EXOC6B: variants seen among roughly 807,000 people sequenced by gnomAD.
EXOC6B encodes the protein SEC15 homolog B.
In EXOC6B, 54 loss-of-function variants were observed where a neutral mutation model predicts 113.5. The observed-to-expected ratio is 0.48, with a 90% confidence interval of 0.38 to 0.60. The LOEUF (loss-of-function observed/expected upper bound fraction) is 0.60, where lower values mean the gene tolerates loss of function less well. EXOC6B is among the 20% of genes least tolerant of loss of function. EXOC6B has a pLI of 0.00. For missense variants in EXOC6B, 797 were observed against 977.5 expected, an observed-to-expected ratio of 0.82 and a Z score of 2.46; for synonymous variants, 357 against 339.0, an observed-to-expected ratio of 1.05 and a Z score of -0.58.
At chr2:72,275,962 G>A (rs1365226569) in intron 20 of EXOC6B, among the ~76,000 whole-genome samples, 2 of 152,106 alleles carry the variant, frequency 1.3e-5, no homozygotes, top group African/African-American at 4.8e-5. Context: ...AGGTTGCCCA[G>A]ACCTAAATCC....
chr2:72,196,394 A>G (rs757821189), intron 20 of EXOC6B, among the ~76,000 whole-genome samples: 1 of 152,180 alleles, frequency 6.6e-6, no homozygotes, highest in Non-Finnish European at 1.5e-5. Context: ...TCTGTGGCCT[A>G]TGAAATATGC....
intron 6 of EXOC6B, among the ~76,000 whole-genome samples, chr2:72,577,898 G>A (rs1047632479): frequency 2.0e-5 from 3 of 152,012 alleles, no homozygotes; most frequent in African/African-American, 7.2e-5. Context: ...ACAAACAGCA[G>A]CTAGATCTTA....
At chr2:72,781,864 CG>C (rs1414714399) in intron 1 of EXOC6B, among the ~76,000 whole-genome samples, 1 of 152,018 alleles carries the variant, frequency 6.6e-6, no homozygotes, top group Non-Finnish European at 1.5e-5. Flanking sequence ...ATAGGCCAGG[CG>C]CAGTGGTTCG....
chr2:72,569,169 A>G (rs1704374579), intron 7 of EXOC6B, among the ~76,000 whole-genome samples: 1 of 152,078 alleles, frequency 6.6e-6, no homozygotes, highest in Non-Finnish European at 1.5e-5. Flanking sequence ...ATATGTCCTT[A>G]ATAGGCCAGC....
intron 18 of EXOC6B, among the ~76,000 whole-genome samples, chr2:72,395,865 T>C (rs1347060937): frequency 6.6e-6 from 1 of 152,092 alleles, no homozygotes; most frequent in East Asian, 1.9e-4. Flanking sequence ...GTACAGTGTA[T>C]GGCACATAAT....
intron 1 of EXOC6B, among the ~76,000 whole-genome samples, chr2:72,746,224 G>A (rs1206531444): frequency 2.0e-5 from 3 of 151,886 alleles, no homozygotes. Flanking sequence ...GGAATAAACT[G>A]CACCACTAGT....
Position 72,179,178 on chromosome 2 carries a change from T to C in EXOC6B, c.*157A>G, listed in dbSNP as rs574097565. The C allele has an allele frequency of 5.4e-5, 45 of 825,696 alleles. No homozygotes were observed. The highest frequency in any genetic ancestry group is 5.7e-5 in the Non-Finnish European group (32 of 557,318). The allele number at this position is 825,696 out of a possible 1,614,324, so 51.1% of individuals were successfully genotyped here. On this transcript the variant is annotated 3_prime_UTR_variant, in exon 22 of 22. Transcript: ENST00000272427. ...TTGCTTATTCTTGTGCCTCTTTTACTATAGGGAAATGTTATGTGAATACTG... is the reference window on the plus strand; with the variant it reads ...TTGCTTATTCTTGTGCCTCTTTTACCATAGGGAAATGTTATGTGAATACTG...
At chr2:72,241,145 C>A (rs1436405911) in intron 20 of EXOC6B, among the ~76,000 whole-genome samples, 2 of 152,092 alleles carry the variant, frequency 1.3e-5, no homozygotes, top group African/African-American at 4.8e-5. Context: ...TGCAAGACCA[C>A]ATGGGTAACG....
At position 72,499,924 on chromosome 2, in the gene EXOC6B, C is replaced by A. The variant is rs750371001; in HGVS notation, c.1216G>T (p.Val406Leu). 2.6e-6 allele frequency: 4 copies of A among 1,553,496 alleles called. No homozygotes were observed. The South Asian group carries it at 4.8e-5, about 18-fold the overall frequency. Residue 406 changes from valine (V) to leucine (L), a missense_variant, in exon 12 of 22, where the codon GTG (valine) becomes TTG (leucine). Val to Leu is a conservative substitution (Grantham distance 32, BLOSUM62 1). Transcript: ENST00000272427. ...NLVLDLKNLI[V>L]LFADTLQVYG... ...ACCTGAAGTGTGTCAGCAAAAAGCACAATGAGGTTCTTCAAATCTAACACA... is the reference window on the plus strand; with the variant it reads ...ACCTGAAGTGTGTCAGCAAAAAGCAAAATGAGGTTCTTCAAATCTAACACA...
At chr2:72,695,322 G>T (rs1677796191) in intron 6 of EXOC6B, among the ~76,000 whole-genome samples, 1 of 152,180 alleles carries the variant, frequency 6.6e-6, no homozygotes, top group Admixed American at 6.5e-5. Flanking sequence ...AAAAGCCAAA[G>T]AACTCAGATC....
At chr2:72,600,129 A>G (rs1670321628) in intron 6 of EXOC6B, among the ~76,000 whole-genome samples, 1 of 152,182 alleles carries the variant, frequency 6.6e-6, no homozygotes, top group South Asian at 2.1e-4. Context: ...ACAGTGTCCA[A>G]CTTTAAGACT....
chr2:72,775,868 T>C lies in EXOC6B; in HGVS notation c.114-34399A>G, dbSNP rs185224834. On this transcript the variant is annotated intron_variant, in intron 1 of 21. Coordinates refer to ENST00000272427, the MANE Select transcript of EXOC6B (RefSeq NM_015189.3). ...ATACACATACCTACATGAGATAAAA[T>C]TGTACAGGACTAAATATATACACAC... Among the ~76,000 whole-genome samples, 6 of 152,250 alleles carry C rather than the reference T, an allele frequency of 3.9e-5. No homozygotes were observed. The East Asian group carries it at 1.2e-3, about 29-fold the overall frequency.
At chr2:72,513,709 T>C (rs1374062897) in intron 10 of EXOC6B, among the ~76,000 whole-genome samples, 1 of 151,894 alleles carries the variant, frequency 6.6e-6, no homozygotes, top group East Asian at 1.9e-4. Context: ...AATATCAAAA[T>C]AATTCCCATC....
intron 20 of EXOC6B, among the ~76,000 whole-genome samples, chr2:72,224,994 G>GTGTATATATGTATATATATATATATATA (rs908047817): frequency 7.3e-6 from 1 of 137,256 alleles, no homozygotes; most frequent in African/African-American, 2.6e-5. Flanking sequence ...GTGTGTGTGT[G>GTGTATATATGTATATATATATATATATA]TATATATATA....
intron 20 of EXOC6B, among the ~76,000 whole-genome samples, chr2:72,232,353 T>C (rs1478923631): frequency 6.6e-6 from 1 of 152,220 alleles, no homozygotes; most frequent in Non-Finnish European, 1.5e-5. Context: ...GGCCCTCTCA[T>C]GTATTATACA....
chr2:72,191,418 C>T (rs1363438566), intron 20 of EXOC6B, among the ~76,000 whole-genome samples: 1 of 152,134 alleles, frequency 6.6e-6, no homozygotes, highest in African/African-American at 2.4e-5. Context: ...AAGCAACTTG[C>T]TAAAAATCAC....
At chr2:72,728,140 G>T (rs183885790) in intron 5 of EXOC6B, among the ~76,000 whole-genome samples, 1 of 152,160 alleles carries the variant, frequency 6.6e-6, no homozygotes, top group Admixed American at 6.5e-5. Flanking sequence ...AGGATAAATG[G>T]GAAATCACCA....
chr2:72,634,105 A>G lies in EXOC6B; in HGVS notation c.670-58437T>C, dbSNP rs1672668537. The stretch of plus-strand genomic sequence containing the variant: ...GTAGCTTAAAAAAAGAAAGAAGAAA[A>G]GAAGAAGGCAGTGGTTGCAGCAAAC... On this transcript the variant is annotated intron_variant, in intron 6 of 21. Coordinates refer to ENST00000272427, the MANE Select transcript of EXOC6B (RefSeq NM_015189.3). Among the ~76,000 whole-genome samples, 3 of 152,288 alleles carry G rather than the reference A, an allele frequency of 2.0e-5. No homozygotes were observed. In the South Asian group the frequency reaches 6.2e-4, roughly 32 times the overall value.
chr2:72,591,631 T>C (rs1394105026), intron 6 of EXOC6B, among the ~76,000 whole-genome samples: 1 of 152,166 alleles, frequency 6.6e-6, no homozygotes, highest in Non-Finnish European at 1.5e-5. Context: ...TCACACAAAC[T>C]TCTGTTTCCA....
Sources: allele counts gnomAD v4.1 joint callset (sites outside exome capture counted in the v4.1 genomes callset), GRCh38; gene constraint gnomAD v4.1.1; transcripts MANE v1.5; gene names NCBI Gene and HGNC (gene_info 2026-07-23, HGNC 2026-07-21).